SLC22A2: variants seen among roughly 807,000 people sequenced by gnomAD.
The protein encoded by SLC22A2 is organic cation transporter 2.
SLC22A2 carries 46 observed loss-of-function variants against 60.5 expected under a neutral mutation model. The observed-to-expected ratio is 0.76, with a 90% CI of 0.60 to 0.97. The LOEUF (loss-of-function observed/expected upper bound fraction) is 0.97. Among genes scored for constraint, SLC22A2 ranks in the 50% least tolerant of loss-of-function variants. The probability of loss-of-function intolerance (pLI) is 0.00; values close to 1 mark genes in which losing one functional copy is unlikely to be tolerated. For synonymous variants in SLC22A2, 303 were observed against 267.0 expected (o/e 1.13, Z -1.31); for missense variants, 701 against 706.6 (o/e 0.99, Z 0.09).
chr6:160,242,917 A>G (rs1050828590), intron 7 of SLC22A2, among the ~76,000 whole-genome samples: 1 of 152,142 alleles, frequency 6.6e-6, no homozygotes, highest in Non-Finnish European at 1.5e-5. Context: ...TGCCCTAAAA[A>G]TCCTCTGTGT....
intron 8 of SLC22A2, 102 bp downstream of exon 8, chr6:160,242,192 T>C: frequency 3.9e-6 from 3 of 772,622 alleles, no homozygotes; most frequent in Non-Finnish European, 7.1e-6. Context: ...TCCCTTACAC[T>C]GTGTTTTGAA....
intron 6 of SLC22A2, chr6:160,244,270 G>A (rs1267686324): frequency 6.4e-6 from 1 of 155,768 alleles, no homozygotes; most frequent in African/African-American, 2.4e-5. Flanking sequence ...GTAGACATGG[G>A]GTTTTGCCAT....
intron 4 of SLC22A2, 74 bp downstream of exon 4, chr6:160,249,142 G>A (rs1783141593): frequency 2.0e-6 from 2 of 980,658 alleles, no homozygotes; most frequent in South Asian, 3.3e-5. Flanking sequence ...AAGATAGTGT[G>A]CATTAAGGAA....
At chr6:160,251,493 G>A (rs1783185752) in intron 2 of SLC22A2, among the ~76,000 whole-genome samples, 1 of 152,126 alleles carries the variant, frequency 6.6e-6, no homozygotes, top group Non-Finnish European at 1.5e-5. Flanking sequence ...AAGGAGCTTG[G>A]CACATAGCCT....
chr6:160,236,005 T>C (rs552724382), intron 9 of SLC22A2, among the ~76,000 whole-genome samples: 7 of 152,318 alleles, frequency 4.6e-5, no homozygotes, highest in African/African-American at 1.7e-4. Context: ...ATAATTATAA[T>C]TGCTATGTTA....
chr6:160,232,859 A>T (rs1040702420), intron 9 of SLC22A2, among the ~76,000 whole-genome samples: 1 of 151,826 alleles, frequency 6.6e-6, no homozygotes, highest in Admixed American at 6.6e-5. Context: ...AAACTTCCAC[A>T]TATTAATCTT....
intron 2 of SLC22A2, among the ~76,000 whole-genome samples, chr6:160,254,565 A>T (rs1385498522): frequency 6.6e-6 from 1 of 152,248 alleles, no homozygotes; most frequent in East Asian, 1.9e-4. Flanking sequence ...CCTATTGTAT[A>T]AAATCTGGAA....
intron 9 of SLC22A2, among the ~76,000 whole-genome samples, chr6:160,232,829 C>G (rs1782846747): frequency 6.6e-6 from 1 of 151,914 alleles, no homozygotes; most frequent in Admixed American, 6.6e-5. Context: ...CATCTGACCA[C>G]TCCCACCTAC....
At chr6:160,248,326 C>T (rs1163732503) in intron 4 of SLC22A2, among the ~76,000 whole-genome samples, 1 of 152,208 alleles carries the variant, frequency 6.6e-6, no homozygotes, top group Non-Finnish European at 1.5e-5. Context: ...AACAAATCTG[C>T]CAGCACCTGG....
chr6:160,245,635 T>C, intron 5 of SLC22A2, 90 bp from the exon 6 acceptor site: 2 of 638,474 alleles, frequency 3.1e-6, no homozygotes, highest in Non-Finnish European at 5.3e-6. Flanking sequence ...CTTACCGTCC[T>C]GAGCGCCCAT....
Position 160,217,393 on chromosome 6 carries a change from A to G in SLC22A2, c.*39T>C, listed in dbSNP as rs759305803. ...GATTTCTACTTTTGGTCTTGCTGCC[A>G]TCAAAGCTAGGTCATGACAGCAGCA... On this transcript the variant is annotated 3_prime_UTR_variant, in exon 11 of 11. Coordinates refer to ENST00000366953, the MANE Select transcript of SLC22A2 (RefSeq NM_003058.4). The G allele has an allele frequency of 7.2e-6, 10 of 1,388,408 alleles. No individual in the cohort carries two copies. The highest frequency in any genetic ancestry group is 1.0e-5 in the Non-Finnish European group (10 of 983,016). 86.0% of individuals were successfully genotyped at this position (1,388,408 alleles called of 1,614,324 possible).
Position 160,256,838 on chromosome 6 carries a change from G to T in SLC22A2, c.415-121C>A, listed in dbSNP as rs553839136. ...AATATTCCTTGAATTGAACTGTATA[G>T]TTAAGTGGCAATAAGCCATTGTTTC... On this transcript the variant is annotated intron_variant, in intron 1 of 10. Transcript: ENST00000366953. 54 of 647,488 alleles carry T rather than the reference G, an allele frequency of 8.3e-5. No individual in the cohort carries two copies. In the African/African-American group the frequency reaches 9.4e-4, roughly 11 times the overall value. 40.1% of individuals were successfully genotyped at this position (647,488 alleles called of 1,614,324 possible). A position where few individuals can be genotyped will look rare whatever the true frequency, so the allele number is the denominator to read the frequency against.
intron 10 of SLC22A2, among the ~76,000 whole-genome samples, chr6:160,219,675 A>T (rs1185025050): frequency 6.6e-6 from 1 of 151,782 alleles, no homozygotes; most frequent in African/African-American, 2.4e-5. Flanking sequence ...GCAAGGATTC[A>T]ATGAGGTAAT....
chr6:160,227,659 G>A (rs555977237), intron 9 of SLC22A2, among the ~76,000 whole-genome samples: 19 of 152,174 alleles, frequency 1.2e-4, no homozygotes, highest in East Asian at 1.2e-3. Flanking sequence ...TTTTTTCCTC[G>A]ACATGTCAGA....
At chr6:160,256,003 G>A (rs904029526) in intron 2 of SLC22A2, among the ~76,000 whole-genome samples, 1 of 152,142 alleles carries the variant, frequency 6.6e-6, no homozygotes, top group Admixed American at 6.5e-5. Context: ...TCATCAGAGA[G>A]GCCTCTCGTC....
intron 9 of SLC22A2, among the ~76,000 whole-genome samples, chr6:160,228,816 G>C (rs887068733): frequency 2.6e-5 from 4 of 151,780 alleles, no homozygotes; most frequent in Admixed American, 1.3e-4. Context: ...GGCTCGTCCT[G>C]GCTCAAAAGC....
In SLC22A2 at chr6:160,243,871, T is replaced by C. The variant is rs189552845; in HGVS notation, c.1065-85A>G. On this transcript the variant is annotated intron_variant, in intron 6 of 10. Coordinates refer to ENST00000366953, the MANE Select transcript of SLC22A2 (RefSeq NM_003058.4). ...GAGGCTTCTGGAAAAATAATGTGGA[T>C]TGTAGGTCACCTTTCCCTGTGACCA... is the stretch of plus-strand genomic sequence containing the variant. The C allele has an allele frequency of 1.2e-3, 1,065 of 892,392 alleles. 5 individuals carry two copies. The African/African-American group carries it at 0.014, about 12-fold the overall frequency. The allele number at this position is 892,392 out of a possible 1,614,324, so 55.3% of individuals were successfully genotyped here. A position where few individuals can be genotyped will look rare whatever the true frequency, so the allele number is the denominator to read the frequency against.
At chr6:160,248,104 C>T (rs567330118) in intron 4 of SLC22A2, among the ~76,000 whole-genome samples, 8 of 152,186 alleles carry the variant, frequency 5.3e-5, no homozygotes, top group South Asian at 2.1e-4. Context: ...TTTCTGTCCC[C>T]GCTGAAGCGC....
chr6:160,249,512 G>T, intron 3 of SLC22A2, 128 bp from the exon 4 acceptor site: 2 of 710,694 alleles, frequency 2.8e-6, no homozygotes, highest in Non-Finnish European at 2.4e-6. Context: ...GCAACTCTCT[G>T]AATATTTTTA....
Sources: gnomAD v4.1 joint callset for allele counts (sites outside exome capture counted in the v4.1 genomes callset) on GRCh38, gnomAD v4.1.1 for gene constraint, MANE v1.5 for transcripts, NCBI Gene and HGNC (gene_info 2026-07-23, HGNC 2026-07-21) for gene names.